Variants in LRRIQ1 observed in about 807,000 individuals in gnomAD.
LRRIQ1 encodes leucine rich repeats and IQ motif containing 1, also known as leucine-rich repeat- and IQ domain-containing protein 1.
A neutral mutation model predicts 211.9 loss-of-function variants in LRRIQ1; 210 were observed. The observed-to-expected ratio is 0.99, with a 90% CI of 0.89 to 1.11. The LOEUF (loss-of-function observed/expected upper bound fraction) is 1.11. LRRIQ1 is among the 50% of genes most tolerant of loss of function. LRRIQ1 has a pLI of 0.00. For synonymous variants in LRRIQ1, 699 were observed against 650.1 expected, an observed-to-expected ratio of 1.08 and a Z score of -1.14; for missense variants, 2,136 against 1,939.5, an observed-to-expected ratio of 1.10 and a Z score of -1.90.
At chr12:85,092,154 A>AT (rs1885460560) in intron 11 of LRRIQ1, among the ~76,000 whole-genome samples, 1 of 152,176 alleles carries the variant, frequency 6.6e-6, no homozygotes, top group African/African-American at 2.4e-5. Flanking sequence ...CTGCACAGAG[A>AT]TCATAACAAA....
intron 1 of LRRIQ1, among the ~76,000 whole-genome samples, chr12:85,259,514 T>C (rs1050975352): frequency 6.6e-6 from 1 of 152,118 alleles, no homozygotes; most frequent in African/African-American, 2.4e-5. Flanking sequence ...TTTGGGAATT[T>C]ATATGATAAC....
intron 18 of LRRIQ1, among the ~76,000 whole-genome samples, chr12:85,135,719 A>ATTATTATTGCTGCTTAAATGGTG (rs1305013395): frequency 1.3e-5 from 2 of 151,948 alleles, no homozygotes; most frequent in East Asian, 1.9e-4. Context: ...TGCAGTTAGT[A>ATTATTATTGCTGCTTAAATGGTG]GTCTCATCAA....
chr12:85,231,537 G>C (rs7311887), intron 25 of LRRIQ1, among the ~76,000 whole-genome samples: 35,549 of 151,988 alleles, frequency 0.23, 4,642 homozygotes, highest in Non-Finnish European at 0.29. Flanking sequence ...TAAAAAAAGA[G>C]GTTTAGTTAG....
At chr12:85,251,576 T>C (rs528055789) in intron 1 of LRRIQ1, among the ~76,000 whole-genome samples, 1 of 152,082 alleles carries the variant, frequency 6.6e-6, no homozygotes, top group African/African-American at 2.4e-5. Context: ...AACTCTTATG[T>C]AAATTTAGCC....
chr12:85,102,957 A>T (rs867141860), intron 13 of LRRIQ1, among the ~76,000 whole-genome samples: 3,913 of 116,122 alleles, frequency 0.034, 140 homozygotes, highest in East Asian at 0.12. Flanking sequence ...AAAAAAAAAA[A>T]AAATATATAT....
At chr12:85,172,043 A>C (rs1891444240) in intron 24 of LRRIQ1, among the ~76,000 whole-genome samples, 2 of 152,210 alleles carry the variant, frequency 1.3e-5, no homozygotes, top group African/African-American at 4.8e-5. Context: ...AACTTCTTAC[A>C]TCAAAAAGAA....
chr12:85,173,081 C>T (rs1244588673), intron 24 of LRRIQ1, among the ~76,000 whole-genome samples: 2 of 151,984 alleles, frequency 1.3e-5, no homozygotes, highest in East Asian at 3.9e-4. Context: ...TGCATTCTAG[C>T]CTGGTGACAA....
chr12:85,068,323 T>G (rs1882665345), intron 10 of LRRIQ1, among the ~76,000 whole-genome samples: 1 of 151,294 alleles, frequency 6.6e-6, no homozygotes, highest in Non-Finnish European at 1.5e-5. Flanking sequence ...GAAATAAGCT[T>G]AATTTCTGTG....
intron 1 of LRRIQ1, among the ~76,000 whole-genome samples, chr12:85,250,963 T>A (rs374255862): frequency 1.3e-5 from 1 of 74,298 alleles, no homozygotes; most frequent in South Asian, 3.6e-4. Flanking sequence ...TATTATATAT[T>A]ATATTATATA....
At chr12:85,237,113 T>C (rs1895224680) in intron 26 of LRRIQ1, among the ~76,000 whole-genome samples, 4 of 152,074 alleles carry the variant, frequency 2.6e-5, no homozygotes, top group Non-Finnish European at 5.9e-5. Flanking sequence ...TTTATTTGTT[T>C]TCCTAATTGT....
intron 10 of LRRIQ1, among the ~76,000 whole-genome samples, chr12:85,071,447 TTGAA>T (rs1346499566): frequency 6.6e-6 from 1 of 152,018 alleles, no homozygotes; most frequent in African/African-American, 2.4e-5. Context: ...CTGATGGATA[TTGAA>T]TGGTTTCCAA....
At chr12:85,211,633 A>G (rs1893841954) in intron 24 of LRRIQ1, among the ~76,000 whole-genome samples, 1 of 152,178 alleles carries the variant, frequency 6.6e-6, no homozygotes, top group South Asian at 2.1e-4. Context: ...AGTTATTTTT[A>G]TATTTACTGT....
chr12:85,089,201 T>C (rs1323143786), intron 11 of LRRIQ1, among the ~76,000 whole-genome samples: 1 of 152,220 alleles, frequency 6.6e-6, no homozygotes, highest in Non-Finnish European at 1.5e-5. Context: ...GAGATAATCA[T>C]GTGGTTTTTG....
chr12:85,117,039 A>G (rs977970208), intron 15 of LRRIQ1, among the ~76,000 whole-genome samples: 2 of 152,154 alleles, frequency 1.3e-5, no homozygotes, highest in Admixed American at 6.5e-5. Context: ...GAAAGACTGC[A>G]TTTTTCAAAG....
At chr12:85,084,214 A>G (rs914436565) in intron 11 of LRRIQ1, among the ~76,000 whole-genome samples, 2 of 152,250 alleles carry the variant, frequency 1.3e-5, no homozygotes, top group Non-Finnish European at 2.9e-5. Context: ...TTAAAATAAA[A>G]TTGCAATAAA....
chr12:85,210,022 A>G (rs937510198), intron 24 of LRRIQ1, among the ~76,000 whole-genome samples: 1 of 152,188 alleles, frequency 6.6e-6, no homozygotes, highest in Non-Finnish European at 1.5e-5. Context: ...TATACTAGCT[A>G]TAATAAATAA....
chr12:85,136,667 T>C (rs1889155181), intron 18 of LRRIQ1, among the ~76,000 whole-genome samples: 1 of 148,032 alleles, frequency 6.8e-6, no homozygotes, highest in Non-Finnish European at 1.5e-5. Flanking sequence ...CACCATTTTG[T>C]ATATTTCACT....
chr12:85,079,931 C>A (rs905528587), intron 11 of LRRIQ1, among the ~76,000 whole-genome samples: 1 of 151,846 alleles, frequency 6.6e-6, no homozygotes, highest in Admixed American at 6.6e-5. Context: ...ATAAACTTTC[C>A]ATTGCTCTTT....
intron 24 of LRRIQ1, among the ~76,000 whole-genome samples, chr12:85,189,829 A>T (rs1430032131): frequency 6.9e-6 from 1 of 145,528 alleles, no homozygotes; most frequent in Non-Finnish European, 1.5e-5. Flanking sequence ...ATAAATAATA[A>T]TTAAATATTA....
Sources: gnomAD v4.1 joint callset for allele counts (sites outside exome capture counted in the v4.1 genomes callset) on GRCh38, gnomAD v4.1.1 for gene constraint, MANE v1.5 for transcripts, NCBI Gene and HGNC (gene_info 2026-07-23, HGNC 2026-07-21) for gene names.